CSMD1: variants seen among roughly 807,000 people sequenced by gnomAD.
CSMD1 encodes CUB and Sushi multiple domains 1.
Under a neutral mutation model 417.5 loss-of-function variants are expected in CSMD1, and 213 were observed. The observed-to-expected ratio is 0.51, with a 90% CI of 0.46 to 0.57. CSMD1 has a LOEUF of 0.57. Among genes scored for constraint, CSMD1 ranks in the 20% least tolerant of loss-of-function variants. The pLI is 0.00. For synonymous variants in CSMD1, 2,862 were observed against 1,736.8 expected (o/e 1.65, Z -16.11); for missense variants, 6,923 against 4,529.7 (o/e 1.53, Z -15.17).
intron 1 of CSMD1, among the ~76,000 whole-genome samples, chr8:4,925,065 T>C (rs780646811): frequency 2.6e-5 from 4 of 152,140 alleles, no homozygotes; most frequent in Non-Finnish European, 5.9e-5. Context: ...ATAGTTTGGG[T>C]TGTTATCAAG....
intron 10 of CSMD1, among the ~76,000 whole-genome samples, chr8:3,519,869 A>T (rs1202023624): frequency 1.3e-5 from 2 of 152,086 alleles, no homozygotes; most frequent in African/African-American, 4.8e-5. Context: ...CTAAAATAGC[A>T]ATTATTTTAC....
chr8:4,133,717 A>C (rs1803249205), intron 3 of CSMD1, among the ~76,000 whole-genome samples: 1 of 151,900 alleles, frequency 6.6e-6, no homozygotes, highest in South Asian at 2.1e-4. Context: ...GTGTAATCTC[A>C]AGACTGTTTA....
chr8:3,594,359 C>T (rs1175923073), intron 8 of CSMD1, among the ~76,000 whole-genome samples: 1 of 151,992 alleles, frequency 6.6e-6, no homozygotes, highest in Non-Finnish European at 1.5e-5. Context: ...ATAAGAAGAA[C>T]TTATGCTGGA....
At chr8:4,795,387 T>G (rs1487052374) in intron 1 of CSMD1, among the ~76,000 whole-genome samples, 2 of 146,498 alleles carry the variant, frequency 1.4e-5, no homozygotes, top group African/African-American at 5.0e-5. Flanking sequence ...TTCTCCTGCC[T>G]CAGCCTTCCG....
At chr8:2,981,331 G>T (rs1469250637) in intron 54 of CSMD1, among the ~76,000 whole-genome samples, 1 of 152,226 alleles carries the variant, frequency 6.6e-6, no homozygotes, top group Non-Finnish European at 1.5e-5. Flanking sequence ...AGAGGCTTAT[G>T]TGAGTGACAG....
intron 3 of CSMD1, among the ~76,000 whole-genome samples, chr8:4,281,140 C>A (rs1461298426): frequency 6.6e-6 from 1 of 152,152 alleles, no homozygotes; most frequent in African/African-American, 2.4e-5. Context: ...GCACTCAGCC[C>A]TCGGGAGCAC....
intron 25 of CSMD1, among the ~76,000 whole-genome samples, chr8:3,293,621 G>T (rs1266490281): frequency 6.6e-6 from 1 of 151,868 alleles, no homozygotes; most frequent in Non-Finnish European, 1.5e-5. Context: ...GATTGTATTG[G>T]CTACTGAGGC....
intron 1 of CSMD1, among the ~76,000 whole-genome samples, chr8:4,754,934 C>T (rs1049947457): frequency 5.9e-5 from 9 of 151,896 alleles, no homozygotes; most frequent in South Asian, 2.1e-4. Context: ...GTCGGGAGTT[C>T]GAAACCAGCC....
At chr8:3,116,082 T>C (rs1344896850) in intron 42 of CSMD1, among the ~76,000 whole-genome samples, 1 of 152,198 alleles carries the variant, frequency 6.6e-6, no homozygotes, top group Non-Finnish European at 1.5e-5. Flanking sequence ...AGCCTCCGCA[T>C]TCTTATGAAG....
intron 3 of CSMD1, among the ~76,000 whole-genome samples, chr8:4,333,367 C>G (rs1029916288): frequency 6.6e-5 from 10 of 152,120 alleles, no homozygotes; most frequent in Non-Finnish European, 1.3e-4. Context: ...GTTACTAGCA[C>G]AGGCTCCAGG....
chr8:3,325,393 C>T (rs1196624478), intron 23 of CSMD1, among the ~76,000 whole-genome samples: 1 of 152,250 alleles, frequency 6.6e-6, no homozygotes, highest in Non-Finnish European at 1.5e-5. Context: ...CATTTTATTT[C>T]ACACTTAAGT....
At chr8:3,773,764 T>C (rs1473402722) in intron 5 of CSMD1, among the ~76,000 whole-genome samples, 1 of 152,150 alleles carries the variant, frequency 6.6e-6, no homozygotes, top group East Asian at 1.9e-4. Context: ...TAACCCAGAA[T>C]AAATATCCAG....
intron 3 of CSMD1, among the ~76,000 whole-genome samples, chr8:4,195,435 A>G (rs889995): frequency 2.0e-5 from 3 of 152,148 alleles, no homozygotes; most frequent in East Asian, 3.9e-4. Context: ...GTCATGATTT[A>G]AAAAAGACGA....
chr8:3,769,834 T>C (rs73658240), intron 5 of CSMD1, among the ~76,000 whole-genome samples: 2,075 of 152,312 alleles, frequency 0.014, 37 homozygotes, highest in African/African-American at 0.048. Context: ...TCAGCACTTT[T>C]ATTTCACAGG....
intron 5 of CSMD1, among the ~76,000 whole-genome samples, chr8:3,945,754 G>C (rs1259909753): frequency 6.6e-6 from 1 of 152,032 alleles, no homozygotes; most frequent in East Asian, 1.9e-4. Context: ...ACCAAGAAAT[G>C]GGCTGGAACT....
intron 1 of CSMD1, among the ~76,000 whole-genome samples, chr8:4,822,185 A>C (rs1205004427): frequency 6.6e-6 from 1 of 152,126 alleles, no homozygotes; most frequent in Non-Finnish European, 1.5e-5. Flanking sequence ...GCATTCCAGC[A>C]AAGTAAAATA....
chr8:3,465,056 C>T (rs1318379250), intron 12 of CSMD1, among the ~76,000 whole-genome samples: 2 of 152,066 alleles, frequency 1.3e-5, no homozygotes, highest in Admixed American at 1.3e-4. Flanking sequence ...ATATGTATAA[C>T]ACATACTGTA....
At chr8:4,724,629 A>C (rs564793932) in intron 1 of CSMD1, among the ~76,000 whole-genome samples, 40 of 152,098 alleles carry the variant, frequency 2.6e-4, no homozygotes, top group African/African-American at 9.6e-4. Flanking sequence ...ATTATTTGGA[A>C]AAAATAAATG....
chr8:2,966,436 C>G (rs1382778313), intron 58 of CSMD1, 134 bp downstream of exon 58: 1 of 782,568 alleles, frequency 1.3e-6, no homozygotes, highest in African/African-American at 1.7e-5. Context: ...GCCACAATGT[C>G]ACACATAGTT....
Sources: allele counts gnomAD v4.1 joint callset (sites outside exome capture counted in the v4.1 genomes callset), GRCh38; gene constraint gnomAD v4.1.1; transcripts MANE v1.5; gene names NCBI Gene and HGNC (gene_info 2026-07-23, HGNC 2026-07-21).